Variants in MTMR6 observed in about 807,000 individuals in gnomAD.
The protein encoded by MTMR6 is phosphatidylinositol-3,5-bisphosphate 3-phosphatase MTMR6.
In MTMR6, 47 loss-of-function variants were observed where a neutral mutation model predicts 80.1. The ratio of observed to expected loss-of-function variants is 0.59; its 90% CI spans 0.46 to 0.75. The LOEUF (loss-of-function observed/expected upper bound fraction) is 0.75, where lower values mean the gene tolerates loss of function less well. Ranked by LOEUF, MTMR6 falls within the 30% of genes least tolerant of loss-of-function variation. MTMR6 has a pLI of 0.00. For missense variants in MTMR6, 629 were observed against 730.9 expected (o/e 0.86, Z 1.61); for synonymous variants, 254 against 253.0 (o/e 1.00, Z -0.04).
chr13:25,266,736 A>G (rs116439812), intron 3 of MTMR6, among the ~76,000 whole-genome samples: 128 of 152,374 alleles, frequency 8.4e-4, no homozygotes, highest in African/African-American at 3.0e-3. Context: ...ACTGTTGCAC[A>G]GAACTCTTGG....
Position 25,249,164 on chromosome 13 carries a change from G to A in MTMR6, c.*68C>T, listed in dbSNP as rs1016205143. On this transcript the variant is annotated 3_prime_UTR_variant, in exon 14 of 14. Coordinates refer to ENST00000381801, the MANE Select transcript of MTMR6 (RefSeq NM_004685.5). ...TATTAGACAAATTCCTTTTGGTTATGCTTACAGACCATCCTCACAATAATC... is the reference window on the plus strand; with the variant it reads ...TATTAGACAAATTCCTTTTGGTTATACTTACAGACCATCCTCACAATAATC... The A allele has an allele frequency of 2.9e-5, 44 of 1,536,192 alleles. No homozygotes were observed. The East Asian group carries it at 9.5e-4, about 33-fold the overall frequency.
chr13:25,275,730 G>A (rs1002282680), intron 1 of MTMR6, among the ~76,000 whole-genome samples: 2 of 150,218 alleles, frequency 1.3e-5, no homozygotes, highest in Admixed American at 6.6e-5. Flanking sequence ...GTGTAGTGGC[G>A]GGCGCCTATA....
intron 1 of MTMR6, among the ~76,000 whole-genome samples, chr13:25,286,187 T>C (rs1348226872): frequency 6.6e-6 from 1 of 152,188 alleles, no homozygotes; most frequent in African/African-American, 2.4e-5. Context: ...CAAGCTCCAA[T>C]AAAAATTTAT....
chr13:25,267,226 G>A (rs758773267), intron 3 of MTMR6, among the ~76,000 whole-genome samples: 55 of 141,886 alleles, frequency 3.9e-4, no homozygotes, highest in Admixed American at 7.5e-4. Flanking sequence ...CAGTCTGGGC[G>A]AGAGAGTAAG....
intron 1 of MTMR6, among the ~76,000 whole-genome samples, chr13:25,281,332 G>A (rs1477312278): frequency 6.6e-6 from 1 of 151,350 alleles, no homozygotes; most frequent in African/African-American, 2.4e-5. Context: ...GCAAGATCTT[G>A]TTGGAAAGGA....
intron 6 of MTMR6, among the ~76,000 whole-genome samples, chr13:25,259,184 T>C (rs1466816625): frequency 6.6e-6 from 1 of 152,166 alleles, no homozygotes; most frequent in Non-Finnish European, 1.5e-5. Flanking sequence ...AGGGAGATTA[T>C]ATGAGAGATT....
chr13:25,265,972 C>G (rs117036095), intron 4 of MTMR6, 25 bp from the exon 5 acceptor site: 1 of 1,608,436 alleles, frequency 6.2e-7, no homozygotes, highest in Non-Finnish European at 8.5e-7. Flanking sequence ...CAAAACATAA[C>G]CATTGTATTC....
intron 2 of MTMR6, among the ~76,000 whole-genome samples, chr13:25,270,921 T>C (rs1342995557): frequency 6.6e-6 from 1 of 152,050 alleles, no homozygotes; most frequent in Admixed American, 6.5e-5. Context: ...CTTAGAAAAA[T>C]AGTATGAGCA....
chr13:25,266,883 T>C (rs1347242104), intron 3 of MTMR6, among the ~76,000 whole-genome samples: 1 of 152,184 alleles, frequency 6.6e-6, no homozygotes, highest in African/African-American at 2.4e-5. Context: ...TCCAGATTGC[T>C]CAACCAAAAT....
At chr13:25,254,891 A>G (rs1416905655) in intron 9 of MTMR6, among the ~76,000 whole-genome samples, 1 of 148,310 alleles carries the variant, frequency 6.7e-6, no homozygotes, top group Non-Finnish European at 1.5e-5. Context: ...TTTTTTTAAG[A>G]AAAAAAAACT....
chr13:25,282,755 G>A (rs936560459), intron 1 of MTMR6, among the ~76,000 whole-genome samples: 9 of 151,458 alleles, frequency 5.9e-5, no homozygotes, highest in African/African-American at 1.5e-4. Context: ...ACAGGTGCCC[G>A]CCACCATGCC....
chr13:25,264,988 T>C (rs535458360), intron 5 of MTMR6, among the ~76,000 whole-genome samples: 131 of 152,188 alleles, frequency 8.6e-4, no homozygotes, highest in African/African-American at 3.0e-3. Context: ...TAGGAAGACA[T>C]ACATGTAAAC....
chr13:25,259,976 C>T (rs1376555208), intron 6 of MTMR6, among the ~76,000 whole-genome samples: 1 of 152,018 alleles, frequency 6.6e-6, no homozygotes, highest in Non-Finnish European at 1.5e-5. Context: ...ATTCTCCTGC[C>T]TCAGCCTCCC....
chr13:25,274,961 T>TACATACACACACACACACAC (rs1957680163), intron 1 of MTMR6, among the ~76,000 whole-genome samples: 2 of 104,988 alleles, frequency 1.9e-5, no homozygotes, highest in African/African-American at 7.0e-5. Flanking sequence ...CACACACACA[T>TACATACACACACACACACAC]ACACACACAC....
At chr13:25,277,400 A>G (rs889585902) in intron 1 of MTMR6, among the ~76,000 whole-genome samples, 5 of 152,240 alleles carry the variant, frequency 3.3e-5, no homozygotes, top group Non-Finnish European at 7.3e-5. Context: ...TCATTTATGC[A>G]TGAATATCTC....
intron 1 of MTMR6, among the ~76,000 whole-genome samples, chr13:25,284,529 G>C (rs1957918625): frequency 6.6e-6 from 1 of 152,048 alleles, no homozygotes; most frequent in South Asian, 2.1e-4. Context: ...TTCAAATAGA[G>C]CTGACTGAAC....
intron 1 of MTMR6, among the ~76,000 whole-genome samples, chr13:25,278,754 G>A (rs894200514): frequency 6.8e-6 from 1 of 147,626 alleles, no homozygotes. Context: ...GCATCGTGGT[G>A]CACACCTGTA....
intron 1 of MTMR6, among the ~76,000 whole-genome samples, chr13:25,275,870 A>AGGGAGGGGAGGGGAG (rs1166091960): frequency 3.0e-4 from 10 of 33,464 alleles, no homozygotes; most frequent in African/African-American, 1.1e-3. Flanking sequence ...TCAAAAAAGA[A>AGGGAGGGGAGGGGAG]GGGAGGGGAG....
chr13:25,261,833 G>A, intron 5 of MTMR6, 31 bp from the exon 6 acceptor site: 1 of 1,571,570 alleles, frequency 6.4e-7, no homozygotes, highest in East Asian at 2.3e-5. Context: ...AAGAGATTAT[G>A]CAAAGATCTC....
Sources: gnomAD v4.1 joint callset for allele counts (sites outside exome capture counted in the v4.1 genomes callset) on GRCh38, gnomAD v4.1.1 for gene constraint, MANE v1.5 for transcripts, NCBI Gene and HGNC (gene_info 2026-07-23, HGNC 2026-07-21) for gene names.